Variants in SPAG16 observed in about 807,000 individuals in gnomAD.
SPAG16 encodes the protein sperm-associated antigen 16 protein.
Under a neutral mutation model 80.4 loss-of-function variants are expected in SPAG16, and 86 were observed. The observed-to-expected ratio is 1.07, with a 90% CI of 0.90 to 1.28. SPAG16 has a LOEUF of 1.28. Ranked by LOEUF, SPAG16 falls within the 50% of genes most tolerant of loss-of-function variation. SPAG16 has a pLI of 0.00. For missense variants in SPAG16, 870 were observed against 765.3 expected (o/e 1.14, Z -1.61); for synonymous variants, 294 against 265.9 (o/e 1.11, Z -1.03).
intron 5 of SPAG16, among the ~76,000 whole-genome samples, chr2:213,338,353 T>C (rs556412411): frequency 2.0e-5 from 3 of 152,162 alleles, no homozygotes; most frequent in Non-Finnish European, 2.9e-5. Context: ...CAGGATCAAA[T>C]TGATACATAA....
intron 15 of SPAG16, among the ~76,000 whole-genome samples, chr2:214,218,926 G>C (rs951145351): frequency 6.6e-6 from 1 of 152,140 alleles, no homozygotes; most frequent in African/African-American, 2.4e-5. Flanking sequence ...TTGTTGAAAG[G>C]CTTGGGTTTT....
intron 10 of SPAG16, among the ~76,000 whole-genome samples, chr2:213,623,946 T>C (rs1366276040): frequency 6.6e-6 from 1 of 152,026 alleles, no homozygotes; most frequent in Non-Finnish European, 1.5e-5. Flanking sequence ...ATGATACATA[T>C]TTAACAATGT....
rs551635224 is a variant in SPAG16 at position 213,489,049 on chromosome 2, T to C, written c.943-914T>C. On this transcript the variant is annotated intron_variant, in intron 9 of 15. Coordinates refer to ENST00000331683, the MANE Select transcript of SPAG16 (RefSeq NM_024532.5). ...AAGATCCCGCCACTGCAATCCATCC[T>C]GGGCAACAAAGCGAGACTCCATCTC... is the stretch of plus-strand genomic sequence containing the variant. Among the ~76,000 whole-genome samples the C allele has an allele frequency of 1.9e-4, 28 of 143,926 alleles. 1 individual carries two copies. Among genetic ancestry groups the C allele is most frequent in the African/African-American group, 7.2e-4 (28 of 39,136 alleles). 94.4% of individuals were successfully genotyped at this position (143,926 alleles called of 152,430 possible).
intron 13 of SPAG16, among the ~76,000 whole-genome samples, chr2:214,105,516 G>A (rs1208471401): frequency 6.6e-6 from 1 of 152,158 alleles, no homozygotes; most frequent in East Asian, 1.9e-4. Context: ...ACAGCTATTA[G>A]GTGGCAGATC....
At chr2:214,080,064 C>T (rs1045618839) in intron 13 of SPAG16, among the ~76,000 whole-genome samples, 3 of 152,040 alleles carry the variant, frequency 2.0e-5, no homozygotes, top group Non-Finnish European at 4.4e-5. Flanking sequence ...TTTGTCCATC[C>T]TTAAAAGGGT....
chr2:214,280,396 A>T (rs555068400), intron 15 of SPAG16, among the ~76,000 whole-genome samples: 27 of 152,354 alleles, frequency 1.8e-4, no homozygotes, highest in African/African-American at 6.5e-4. Context: ...TGGAAATAAA[A>T]AAATATAGAA....
chr2:213,531,829 A>G (rs1290608811), intron 10 of SPAG16, among the ~76,000 whole-genome samples: 4 of 152,180 alleles, frequency 2.6e-5, no homozygotes, highest in Non-Finnish European at 5.9e-5. Context: ...TCATATGAAT[A>G]TGAATTGGAA....
chr2:213,465,529 G>C (rs73986878), intron 9 of SPAG16, among the ~76,000 whole-genome samples: 2,179 of 152,264 alleles, frequency 0.014, 45 homozygotes, highest in African/African-American at 0.048. Flanking sequence ...CTGGGAGGGA[G>C]GTGGCTGGGT....
chr2:213,512,964 A>G (rs1223264213), intron 10 of SPAG16, among the ~76,000 whole-genome samples: 1 of 151,920 alleles, frequency 6.6e-6, no homozygotes, highest in African/African-American at 2.4e-5. Flanking sequence ...TTTTGTCAGC[A>G]GGGTAGTTCT....
At chr2:213,823,329 G>A (rs560794143) in intron 10 of SPAG16, among the ~76,000 whole-genome samples, 26 of 152,132 alleles carry the variant, frequency 1.7e-4, no homozygotes, top group African/African-American at 4.6e-4. Flanking sequence ...GATCAGTGAT[G>A]TTGAGTTTTT....
intron 10 of SPAG16, among the ~76,000 whole-genome samples, chr2:213,708,043 T>C (rs529701879): frequency 6.6e-6 from 1 of 152,296 alleles, no homozygotes; most frequent in Non-Finnish European, 1.5e-5. Context: ...TATTTTTTTC[T>C]CTCAAAACTG....
At chr2:214,109,616 G>C (rs2053565671) in intron 14 of SPAG16, among the ~76,000 whole-genome samples, 1 of 152,180 alleles carries the variant, frequency 6.6e-6, no homozygotes, top group Non-Finnish European at 1.5e-5. Context: ...AATGTTGATT[G>C]CTCCAATTGA....
intron 11 of SPAG16, among the ~76,000 whole-genome samples, chr2:213,878,489 T>C (rs890094231): frequency 1.3e-5 from 2 of 152,144 alleles, no homozygotes; most frequent in African/African-American, 4.8e-5. Context: ...CCACTTTTTA[T>C]TGGGGCTATT....
chr2:213,559,142 A>AT (rs1456275292), intron 10 of SPAG16, among the ~76,000 whole-genome samples: 1 of 152,156 alleles, frequency 6.6e-6, no homozygotes, highest in African/African-American at 2.4e-5. Flanking sequence ...TTTTGACGCA[A>AT]TAAGAAGACA....
chr2:213,316,032 A>G (rs2063386243), intron 4 of SPAG16, among the ~76,000 whole-genome samples: 2 of 151,980 alleles, frequency 1.3e-5, no homozygotes, highest in Non-Finnish European at 2.9e-5. Context: ...AATAGTATCT[A>G]TAATGTTGAT....
At chr2:213,990,009 T>C (rs2046200632) in intron 12 of SPAG16, among the ~76,000 whole-genome samples, 1 of 152,136 alleles carries the variant, frequency 6.6e-6, no homozygotes, top group African/African-American at 2.4e-5. Context: ...CAATAATTTA[T>C]ATATTATTCC....
intron 10 of SPAG16, among the ~76,000 whole-genome samples, chr2:213,707,038 A>G (rs541553702): frequency 1.3e-5 from 2 of 152,308 alleles, no homozygotes; most frequent in East Asian, 3.9e-4. Flanking sequence ...TAACCTCAGA[A>G]CTTATTTCAT....
At chr2:213,361,301 A>G (rs2065963126) in intron 7 of SPAG16, among the ~76,000 whole-genome samples, 2 of 151,780 alleles carry the variant, frequency 1.3e-5, no homozygotes, top group African/African-American at 2.4e-5. Flanking sequence ...GTAGGTATCT[A>G]TGTATACTAA....
chr2:213,539,796 T>C lies in SPAG16; in HGVS notation c.1070+49706T>C, dbSNP rs976765154. Among the ~76,000 whole-genome samples the C allele has an allele frequency of 9.9e-5, 15 of 152,282 alleles. No homozygotes were observed. The East Asian group carries it at 2.9e-3, about 29-fold the overall frequency. On this transcript the variant is annotated intron_variant, in intron 10 of 15. Transcript: ENST00000331683. ...TTAATGAAAATTATTTTCAGGTTGT[T>C]ACTGATATTTAAAAAATAAAAACGT... is the stretch of plus-strand genomic sequence containing the variant.
Sources: gnomAD v4.1 joint callset for allele counts (sites outside exome capture counted in the v4.1 genomes callset) on GRCh38, gnomAD v4.1.1 for gene constraint, MANE v1.5 for transcripts, NCBI Gene and HGNC (gene_info 2026-07-23, HGNC 2026-07-21) for gene names.